RBFOX1: variants seen among roughly 807,000 people sequenced by gnomAD.
The protein encoded by RBFOX1 is RNA binding protein fox-1 homolog 1.
RBFOX1 carries 8 observed loss-of-function variants against 57.7 expected under a neutral mutation model. The observed-to-expected ratio is 0.14, with a 90% CI of 0.08 to 0.25. The LOEUF is 0.25. RBFOX1 is among the 10% of genes least tolerant of loss of function. RBFOX1 has a pLI of 1.00. For synonymous variants in RBFOX1, 326 were observed against 222.4 expected (o/e 1.47, Z -4.15); for missense variants, 611 against 548.5 (o/e 1.11, Z -1.14).
At chr16:6,812,602 C>G (rs934651338) in intron 3 of RBFOX1, among the ~76,000 whole-genome samples, 3 of 152,074 alleles carry the variant, frequency 2.0e-5, no homozygotes, top group African/African-American at 4.8e-5. Flanking sequence ...GTCTCAAACT[C>G]CTGACCTCAA....
intron 2 of RBFOX1, among the ~76,000 whole-genome samples, chr16:6,410,832 T>C (rs2093436940): frequency 6.6e-6 from 1 of 152,196 alleles, no homozygotes; most frequent in African/African-American, 2.4e-5. Context: ...GTAGGCACTG[T>C]GGTCTGCACC....
chr16:6,155,646 C>T (rs958847170), intron 1 of RBFOX1, among the ~76,000 whole-genome samples: 4 of 152,218 alleles, frequency 2.6e-5, no homozygotes, highest in East Asian at 3.9e-4. Flanking sequence ...CATTATGGGC[C>T]GACTTTCTAT....
intron 3 of RBFOX1, among the ~76,000 whole-genome samples, chr16:6,869,752 G>A (rs2060549556): frequency 6.6e-6 from 1 of 152,134 alleles, no homozygotes; most frequent in African/African-American, 2.4e-5. Flanking sequence ...TTGGAAATGG[G>A]TAAAATTCTA....
chr16:6,484,698 TGC>T (rs1482811421), intron 2 of RBFOX1, among the ~76,000 whole-genome samples: 6 of 152,182 alleles, frequency 3.9e-5, no homozygotes, highest in South Asian at 4.1e-4. Context: ...ACAAAAGAGC[TGC>T]GTTTTCCACC....
chr16:7,254,567 A>T (rs1401452060), intron 4 of RBFOX1, among the ~76,000 whole-genome samples: 1 of 151,658 alleles, frequency 6.6e-6, no homozygotes, highest in African/African-American at 2.4e-5. Context: ...CCAACTCATC[A>T]TTGTGTTCCA....
At chr16:5,593,007 C>T (rs574245065) in intron 2 of RBFOX1, among the ~76,000 whole-genome samples, 1 of 152,230 alleles carries the variant, frequency 6.6e-6, no homozygotes, top group East Asian at 1.9e-4. Context: ...CATTCTAAGT[C>T]ACAGTGTGAG....
At chr16:6,158,556 G>A (rs1330660977) in intron 1 of RBFOX1, among the ~76,000 whole-genome samples, 4 of 152,166 alleles carry the variant, frequency 2.6e-5, no homozygotes, top group Admixed American at 2.0e-4. Flanking sequence ...TAGCCGTAAT[G>A]TTCTAGCAAA....
At chr16:6,390,805 G>A (rs2092562911) in intron 2 of RBFOX1, among the ~76,000 whole-genome samples, 1 of 152,092 alleles carries the variant, frequency 6.6e-6, no homozygotes, top group South Asian at 2.1e-4. Flanking sequence ...AGGTCCTGGG[G>A]CAGGAAGGAG....
intron 4 of RBFOX1, among the ~76,000 whole-genome samples, chr16:7,080,331 G>T (rs1484471833): frequency 1.3e-5 from 2 of 152,142 alleles, no homozygotes; most frequent in African/African-American, 4.8e-5. Flanking sequence ...TTCCTCCAAT[G>T]CCTTGCCTAT....
At chr16:5,931,565 A>C (rs922377876) in intron 4 of RBFOX1, among the ~76,000 whole-genome samples, 1 of 152,180 alleles carries the variant, frequency 6.6e-6, no homozygotes, top group Non-Finnish European at 1.5e-5. Context: ...GCAGATAGGT[A>C]AGTCTTTGAG....
chr16:6,940,848 AGTCTGTGTGT>A lies in RBFOX1; in HGVS notation c.-15-111206_-15-111197del, dbSNP rs1408010960. Among the ~76,000 whole-genome samples, 144 of 58,498 alleles carry A rather than the reference AGTCTGTGTGT, an allele frequency of 2.5e-3. 2 individuals carry two copies. The highest frequency in any genetic ancestry group is 6.5e-3 in the African/African-American group (67 of 10,260). The allele number at this position is 58,498 out of a possible 152,430, so 38.4% of individuals were successfully genotyped here. A position where few individuals can be genotyped will look rare whatever the true frequency, so the allele number is the denominator to read the frequency against. On this transcript the variant is annotated intron_variant, in intron 3 of 15. Transcript: ENST00000550418. ...CAGGCGCCTGCCACCATGTCCGGCT[AGTCTGTGTGT>A]GTGTGTGTGTGTGTGTGTGTGTGTG... is the stretch of plus-strand genomic sequence containing the variant.
chr16:7,011,625 A>C (rs1056020253), intron 3 of RBFOX1, among the ~76,000 whole-genome samples: 1 of 152,094 alleles, frequency 6.6e-6, no homozygotes, highest in African/African-American at 2.4e-5. Context: ...GCCATTATCC[A>C]GCCTCAGCCT....
At chr16:7,131,233 C>T (rs1414649629) in intron 4 of RBFOX1, among the ~76,000 whole-genome samples, 1 of 151,744 alleles carries the variant, frequency 6.6e-6, no homozygotes, top group Non-Finnish European at 1.5e-5. Flanking sequence ...GTAGTCTCAG[C>T]TACTCTGGAG....
At chr16:5,646,137 C>T (rs556434372) in intron 3 of RBFOX1, among the ~76,000 whole-genome samples, 1 of 151,266 alleles carries the variant, frequency 6.6e-6, no homozygotes, top group African/African-American at 2.4e-5. Context: ...TTACACTATT[C>T]TGCTGCCTCA....
At chr16:5,630,906 T>C (rs1487387332) in intron 3 of RBFOX1, among the ~76,000 whole-genome samples, 2 of 152,246 alleles carry the variant, frequency 1.3e-5, no homozygotes, top group African/African-American at 4.8e-5. Flanking sequence ...TTTTTTTTAG[T>C]TGGTTTCTGA....
intron 2 of RBFOX1, among the ~76,000 whole-genome samples, chr16:6,485,793 A>G (rs72760958): frequency 0.18 from 27,052 of 152,066 alleles, 2,422 homozygotes; most frequent in Middle Eastern, 0.22. Flanking sequence ...TTATTTTTAC[A>G]TTTGTCTCTT....
At chr16:5,621,141 T>A (rs1596483452) in intron 3 of RBFOX1, among the ~76,000 whole-genome samples, 1 of 152,162 alleles carries the variant, frequency 6.6e-6, no homozygotes, top group Non-Finnish European at 1.5e-5. Context: ...GCGCCCAGCC[T>A]GCTAATTTTT....
At chr16:7,503,331 C>G (rs561531192) in intron 4 of RBFOX1, among the ~76,000 whole-genome samples, 1 of 152,312 alleles carries the variant, frequency 6.6e-6, no homozygotes, top group East Asian at 1.9e-4. Context: ...AGGACTTCCT[C>G]TCTTACAAAG....
At chr16:6,592,078 G>C (rs1600837532) in intron 2 of RBFOX1, among the ~76,000 whole-genome samples, 1 of 152,140 alleles carries the variant, frequency 6.6e-6, no homozygotes, top group East Asian at 1.9e-4. Context: ...GAGATTTGGA[G>C]ACTTTAGACA....
Sources: allele counts gnomAD v4.1 joint callset (sites outside exome capture counted in the v4.1 genomes callset), GRCh38; gene constraint gnomAD v4.1.1; transcripts MANE v1.5; gene names NCBI Gene and HGNC (gene_info 2026-07-23, HGNC 2026-07-21).